Variants in FBXO8 observed in about 807,000 individuals in gnomAD.
FBXO8 encodes F-box only protein 8.
In FBXO8, 15 loss-of-function variants were observed where a neutral mutation model predicts 33.4. That is an observed-to-expected ratio of 0.45 (90% confidence interval 0.30 to 0.69). The LOEUF is 0.69. Among genes scored for constraint, FBXO8 ranks in the 30% least tolerant of loss-of-function variants. The probability of loss-of-function intolerance (pLI) is 0.08; values close to 1 mark genes in which losing one functional copy is unlikely to be tolerated. For missense variants in FBXO8, 274 were observed against 380.3 expected, an observed-to-expected ratio of 0.72 and a Z score of 2.32; for synonymous variants, 132 against 131.5, an observed-to-expected ratio of 1.00 and a Z score of -0.02.
chr4:174,260,326 G>T (rs529156644), intron 2 of FBXO8, among the ~76,000 whole-genome samples: 2 of 152,110 alleles, frequency 1.3e-5, no homozygotes, highest in East Asian at 3.9e-4. Flanking sequence ...TATTAACCAA[G>T]AATCTAAATA....
In FBXO8 at chr4:174,281,643, G is replaced by C. The variant is rs922554946; in HGVS notation, c.-9+1767C>G. On this transcript the variant is annotated intron_variant, in intron 1 of 5. Transcript: ENST00000393674. This position sits in a 1 kb window ranked among gnomAD's most constrained non-coding sequence, Gnocchi z 4.6. ...GGAGGTCAAGGCTACAGTGAGTCTT[G>C]TTCGCACCACTGCACTCCAGCCTGG... 2.0e-5 allele frequency among the ~76,000 whole-genome samples: 3 copies of C among 152,106 alleles called. No homozygotes were observed. The highest frequency in any genetic ancestry group is 4.8e-5 in the African/African-American group (2 of 41,410).
At position 174,262,399 on chromosome 4, in the gene FBXO8, TG is replaced by T. The variant is rs1420874259; in HGVS notation, c.329+364del. ...TATTATTCAGATGGCAGGTATCCTA[TG>T]GGAAGCACAAACTACACAGCATGTG... On this transcript the variant is annotated intron_variant, in intron 2 of 5. Coordinates refer to ENST00000393674, the MANE Select transcript of FBXO8 (RefSeq NM_012180.3). The surrounding 1 kb of genome is among the most constrained non-coding windows in gnomAD (Gnocchi z 4.6). Among the ~76,000 whole-genome samples, 1 of 152,202 alleles carries T rather than the reference TG, an allele frequency of 6.6e-6. No individual in the cohort carries two copies. The highest frequency in any genetic ancestry group is 1.5e-5 in the Non-Finnish European group (1 of 68,018).
At position 174,259,402 on chromosome 4, in the gene FBXO8, A is replaced by T. The variant is rs1273199641; in HGVS notation, c.456+297T>A. Among the ~76,000 whole-genome samples, 4 of 152,056 alleles carry T rather than the reference A, an allele frequency of 2.6e-5. No homozygotes were observed. Among genetic ancestry groups the T allele is most frequent in the Admixed American group, 2.0e-4 (3 of 15,248 alleles). ...ACACACTCTGTGTTCTTATTATCAA[A>T]TTTTTGTGCTCTCTACTTATAATGT... On this transcript the variant is annotated intron_variant, in intron 3 of 5. Coordinates refer to ENST00000393674, the MANE Select transcript of FBXO8 (RefSeq NM_012180.3). The surrounding 1 kb of genome is among the most constrained non-coding windows in gnomAD (Gnocchi z 4.3).
In FBXO8 at chr4:174,239,243, A is replaced by T. The variant is rs544980120; in HGVS notation, c.576-53T>A. 2.4e-4 allele frequency: 303 copies of T among 1,279,834 alleles called. 3 individuals are homozygous for T. The East Asian group carries it at 6.8e-3, about 29-fold the overall frequency. The allele number at this position is 1,279,834 out of a possible 1,614,324, so 79.3% of individuals were successfully genotyped here. On this transcript the variant is annotated intron_variant, in intron 4 of 5. Coordinates refer to ENST00000393674, the MANE Select transcript of FBXO8 (RefSeq NM_012180.3). ...TGGTTAACTTTTCTTCATTAAAAAA[A>T]TGGTAAGAAAAATAACAAATTTCCA... is the stretch of plus-strand genomic sequence containing the variant.
In FBXO8 at chr4:174,257,648, G is replaced by A. The variant is rs1313909358; in HGVS notation, c.456+2051C>T. On this transcript the variant is annotated intron_variant, in intron 3 of 5. Coordinates refer to ENST00000393674, the MANE Select transcript of FBXO8 (RefSeq NM_012180.3). The surrounding 1 kb of genome is among the most constrained non-coding windows in gnomAD (Gnocchi z 4.3). ...CATTCAATTACCTCAACAGACTGAT[G>A]CAAAATATATATCTTTATTGTGACT... Among the ~76,000 whole-genome samples, 1 of 152,038 alleles carries A rather than the reference G, an allele frequency of 6.6e-6. No individual in the cohort carries two copies. Among genetic ancestry groups the A allele is most frequent in the Non-Finnish European group, 1.5e-5 (1 of 68,000 alleles).
chr4:174,275,469 A>C lies in FBXO8; in HGVS notation c.-9+7941T>G, dbSNP rs1343855093. On this transcript the variant is annotated intron_variant, in intron 1 of 5. Transcript: ENST00000393674. This position sits in a 1 kb window ranked among gnomAD's most constrained non-coding sequence, Gnocchi z 4.4. ...CAATCAGAGAAACTAGGTAAAGTGT[A>C]CAAGGGATGACTCTATATTTCTTGA... Among the ~76,000 whole-genome samples the C allele has an allele frequency of 6.6e-6, 1 of 152,216 alleles. No homozygotes were observed. The highest frequency in any genetic ancestry group is 2.4e-5 in the African/African-American group (1 of 41,460).
Position 174,255,762 on chromosome 4 carries a change from C to T in FBXO8, c.456+3937G>A, listed in dbSNP as rs548585771. 3.3e-5 allele frequency among the ~76,000 whole-genome samples: 5 copies of T among 152,252 alleles called. No homozygotes were observed. The highest frequency in any genetic ancestry group is 1.2e-4 in the African/African-American group (5 of 41,546). On this transcript the variant is annotated intron_variant, in intron 3 of 5. Coordinates refer to ENST00000393674, the MANE Select transcript of FBXO8 (RefSeq NM_012180.3). The surrounding 1 kb of genome is among the most constrained non-coding windows in gnomAD (Gnocchi z 4.3). ...TACGTCAAGAAAGTGTTTTAATATA[C>T]ATTGGAGCACAAGTAATATAGTTTA...
Position 174,237,276 on chromosome 4 carries a change from GA to G in FBXO8, c.*135del, listed in dbSNP as rs1373275273. 11 of 647,858 alleles carry G rather than the reference GA, an allele frequency of 1.7e-5. No homozygotes were observed. Among genetic ancestry groups the G allele is most frequent in the South Asian group, 7.7e-5 (2 of 25,946 alleles). 40.1% of individuals were successfully genotyped at this position (647,858 alleles called of 1,614,324 possible). ...ATTACTAAAATAGAAAATGGCAAAAGAAAAAAAGGTTGCACACTGAAGCTTG... is the reference window on the plus strand; with the variant it reads ...ATTACTAAAATAGAAAATGGCAAAAGAAAAAAGGTTGCACACTGAAGCTTG... On this transcript the variant is annotated 3_prime_UTR_variant, in exon 6 of 6. Transcript: ENST00000393674. The surrounding 1 kb of genome is among the most constrained non-coding windows in gnomAD (Gnocchi z 4.4).
In FBXO8 at chr4:174,275,178, A is replaced by G. The variant is rs74613799; in HGVS notation, c.-9+8232T>C. 3.5e-3 allele frequency among the ~76,000 whole-genome samples: 539 copies of G among 152,374 alleles called. 3 individuals are homozygous for G. The highest frequency in any genetic ancestry group is 0.017 in the Middle Eastern group (5 of 294). ...CATGAAAGAGGATATACAAATGGCA[A>G]ATAAGCACATGGTAAGATGGTCAAC... is the stretch of plus-strand genomic sequence containing the variant. On this transcript the variant is annotated intron_variant, in intron 1 of 5. Transcript: ENST00000393674. The surrounding 1 kb of genome is among the most constrained non-coding windows in gnomAD (Gnocchi z 4.4).
At position 174,255,959 on chromosome 4, in the gene FBXO8, T is replaced by G. The variant is rs902771785; in HGVS notation, c.456+3740A>C. Reference sequence around the variant, plus strand: ...AAAGTACACAAGCTCATGCACAAGATCAAGACGTTACATACAGCTGAGATC... The same window carrying G: ...AAAGTACACAAGCTCATGCACAAGAGCAAGACGTTACATACAGCTGAGATC... On this transcript the variant is annotated intron_variant, in intron 3 of 5. Coordinates refer to ENST00000393674, the MANE Select transcript of FBXO8 (RefSeq NM_012180.3). The surrounding 1 kb of genome is among the most constrained non-coding windows in gnomAD (Gnocchi z 4.3). 2 of 337,242 alleles carry G rather than the reference T, an allele frequency of 5.9e-6. No individual in the cohort carries two copies. The highest frequency in any genetic ancestry group is 4.2e-5 in the African/African-American group (2 of 47,312). 20.9% of individuals were successfully genotyped at this position (337,242 alleles called of 1,614,324 possible).
At chr4:174,244,732 G>A (rs1384361319) in intron 3 of FBXO8, among the ~76,000 whole-genome samples, 1 of 151,518 alleles carries the variant, frequency 6.6e-6, no homozygotes, top group Non-Finnish European at 1.5e-5. Context: ...GGAAACTACT[G>A]GCCAAAATAT....
chr4:174,265,397 T>C lies in FBXO8; in HGVS notation c.-8-2297A>G, dbSNP rs1036050806. Among the ~76,000 whole-genome samples, 1 of 152,100 alleles carries C rather than the reference T, an allele frequency of 6.6e-6. No homozygotes were observed. The highest frequency in any genetic ancestry group is 1.5e-5 in the Non-Finnish European group (1 of 67,972). Reference sequence around the variant, plus strand: ...GTCCACACAAAAACCTACACGTGAATGTTTAAAGCAGTTTTGGTAATTAAT... The same window carrying C: ...GTCCACACAAAAACCTACACGTGAACGTTTAAAGCAGTTTTGGTAATTAAT... On this transcript the variant is annotated intron_variant, in intron 1 of 5. Coordinates refer to ENST00000393674, the MANE Select transcript of FBXO8 (RefSeq NM_012180.3). The surrounding 1 kb of genome is among the most constrained non-coding windows in gnomAD (Gnocchi z 4.7).
rs187039852 is a variant in FBXO8 at position 174,270,669 on chromosome 4, T to C, written c.-8-7569A>G. On this transcript the variant is annotated intron_variant, in intron 1 of 5. Transcript: ENST00000393674. This position sits in a 1 kb window ranked among gnomAD's most constrained non-coding sequence, Gnocchi z 4.6. ...GTCTTGTCTTGTTCCCCAGCTGCAGTGCAATGGCGCGATCTCGGCTCACTG... is the reference window on the plus strand; with the variant it reads ...GTCTTGTCTTGTTCCCCAGCTGCAGCGCAATGGCGCGATCTCGGCTCACTG... Among the ~76,000 whole-genome samples the C allele has an allele frequency of 2.4e-3, 365 of 151,730 alleles. No homozygotes were observed. Among genetic ancestry groups the C allele is most frequent in the African/African-American group, 8.6e-3 (354 of 41,336 alleles).
In FBXO8 at chr4:174,281,439, A is replaced by ATG. The variant is rs1260659405; in HGVS notation, c.-9+1969_-9+1970dup. ...TGCACCAGCACAGTGGCTCACACCT[A>ATG]TGATTCCTGAACCTTGGGAGGCTGT... is the stretch of plus-strand genomic sequence containing the variant. On this transcript the variant is annotated intron_variant, in intron 1 of 5. Coordinates refer to ENST00000393674, the MANE Select transcript of FBXO8 (RefSeq NM_012180.3). This position sits in a 1 kb window ranked among gnomAD's most constrained non-coding sequence, Gnocchi z 4.6. Among the ~76,000 whole-genome samples, 4 of 152,200 alleles carry ATG rather than the reference A, an allele frequency of 2.6e-5. No homozygotes were observed. Among genetic ancestry groups the ATG allele is most frequent in the Non-Finnish European group, 5.9e-5 (4 of 68,038 alleles).
chr4:174,269,349 A>T (rs1736777535), intron 1 of FBXO8, among the ~76,000 whole-genome samples: 1 of 152,184 alleles, frequency 6.6e-6, no homozygotes, highest in Admixed American at 6.5e-5. Context: ...AAAAAACCCC[A>T]AAGCAATCGC....
rs990334677 is a variant in FBXO8 at position 174,241,946 on chromosome 4, AACC to A, written c.457-731_457-729del. Reference sequence around the variant, plus strand: ...TAAGTTTTTACCTACTTTAGATTTAAACCACCACCAACAAAACACCACCAACAA... The same window carrying A: ...TAAGTTTTTACCTACTTTAGATTTAAACCACCAACAAAACACCACCAACAA... On this transcript the variant is annotated intron_variant, in intron 3 of 5. Transcript: ENST00000393674. This position sits in a 1 kb window ranked among gnomAD's most constrained non-coding sequence, Gnocchi z 4.2. Among the ~76,000 whole-genome samples the A allele has an allele frequency of 1.3e-4, 20 of 151,672 alleles. No individual in the cohort carries two copies. The highest frequency in any genetic ancestry group is 2.5e-4 in the Non-Finnish European group (17 of 67,588).
intron 1 of FBXO8, among the ~76,000 whole-genome samples, chr4:174,269,321 CAA>C (rs35194028): frequency 3.4e-5 from 5 of 144,950 alleles, no homozygotes; most frequent in East Asian, 2.0e-4. Flanking sequence ...GAAATAAAAA[CAA>C]AAAAAAAAAT....
chr4:174,271,544 C>T (rs188860997), intron 1 of FBXO8, among the ~76,000 whole-genome samples: 1 of 152,206 alleles, frequency 6.6e-6, no homozygotes, highest in Admixed American at 6.5e-5. Context: ...ATCTAGAATG[C>T]TTAGGTATGT....
chr4:174,250,921 C>T (rs1290065857), intron 3 of FBXO8, among the ~76,000 whole-genome samples: 1 of 152,024 alleles, frequency 6.6e-6, no homozygotes, highest in Non-Finnish European at 1.5e-5. Context: ...TTCACTGAAA[C>T]TGTGATCACA....
Sources: allele counts gnomAD v4.1 joint callset (sites outside exome capture counted in the v4.1 genomes callset), GRCh38; gene constraint gnomAD v4.1.1; non-coding constraint Gnocchi (gnomAD v3.1); transcripts MANE v1.5; gene names NCBI Gene and HGNC (gene_info 2026-07-23, HGNC 2026-07-21).